The following ZDBF2 variants were observed in gnomAD, a reference collection of about 807,000 sequenced individuals.
ZDBF2 encodes the protein zinc finger DBF-type containing 2, also known as DBF4-type zinc finger-containing protein 2.
In ZDBF2, 6 loss-of-function variants were observed where a neutral mutation model predicts 9.4. That is an observed-to-expected ratio of 0.64 (90% CI 0.35 to 1.27). The LOEUF (loss-of-function observed/expected upper bound fraction) is 1.27. ZDBF2 is among the 50% of genes most tolerant of loss of function. The pLI, the probability that ZDBF2 is intolerant of heterozygous loss-of-function variation, is 0.03. For missense variants in ZDBF2, 2,697 were observed against 2,766.8 expected, an observed-to-expected ratio of 0.97 and a Z score of 0.57; for synonymous variants, 905 against 946.3, an observed-to-expected ratio of 0.96 and a Z score of 0.80.
At chr2:206,280,475 G>T (rs1019518965) in intron 2 of ZDBF2, among the ~76,000 whole-genome samples, 1 of 152,222 alleles carries the variant, frequency 6.6e-6, no homozygotes, top group East Asian at 1.9e-4. Flanking sequence ...TAAGCTCTAG[G>T]TTCTCTCAGC....
intron 3 of ZDBF2, among the ~76,000 whole-genome samples, chr2:206,291,676 G>A (rs191389693): frequency 2.0e-3 from 308 of 152,298 alleles, no homozygotes; most frequent in African/African-American, 6.6e-3. Context: ...TAGATTGATT[G>A]GTTTTCAGAT....
At position 206,308,712 on chromosome 2, in the gene ZDBF2, A is replaced by G. The variant is rs1318321637; in HGVS notation, c.4184A>G (p.His1395Arg). Reference protein sequence around the residue: ...VKEINLWKEDHIYLEDKSYKL... With the variant: ...VKEINLWKEDRIYLEDKSYKL... The stretch of plus-strand genomic sequence containing the variant: ...GAAATAAATCTTTGGAAGGAAGACC[A>G]TATTTACCTGGAAGATAAGAGCTAT... The change falls in exon 5 of 5, where the codon CAT becomes CGT. Residue 1395 changes from histidine to arginine, a missense_variant. Around this residue, in one of 3 missense-constraint regions of ZDBF2, gnomAD observed 1,783 missense variants for 1,776.5 expected, o/e 1.00. Transcript: ENST00000374423. 5.0e-6 allele frequency: 8 copies of G among 1,612,854 alleles called. 1 individual carries two copies. Among genetic ancestry groups the G allele is most frequent in the Non-Finnish European group, 6.8e-6 (8 of 1,179,784 alleles).
At position 206,308,965 on chromosome 2, in the gene ZDBF2, G is replaced by T. The variant is rs1488926403; in HGVS notation, c.4437G>T (p.Gln1479His). The T allele has an allele frequency of 5.6e-6, 9 of 1,613,536 alleles. No homozygotes were observed. Among genetic ancestry groups the T allele is most frequent in the Non-Finnish European group, 7.6e-6 (9 of 1,179,740 alleles). ...PQVSYKEADL[Q>H]KEEHVVMEEK... ...TGTCTTACAAAGAGGCAGACCTTCA[G>T]AAGGAAGAGCATGTTGTCATGGAAG... The change falls in exon 5 of 5, where the codon CAG (glutamine) becomes CAT (histidine). Residue 1479 changes from glutamine (Q) to histidine (H), a missense_variant. By Grantham distance (24) the Gln-to-His change is conservative. Around this residue, in one of 3 missense-constraint regions of ZDBF2, gnomAD observed 1,783 missense variants for 1,776.5 expected, o/e 1.00. Coordinates refer to ENST00000374423, the MANE Select transcript of ZDBF2 (RefSeq NM_020923.3).
At chr2:206,300,664 G>C (rs1220359429) in intron 4 of ZDBF2, among the ~76,000 whole-genome samples, 1 of 152,126 alleles carries the variant, frequency 6.6e-6, no homozygotes, top group Non-Finnish European at 1.5e-5. Context: ...AATAAGGATC[G>C]TATGGGGAAG....
intron 3 of ZDBF2, among the ~76,000 whole-genome samples, chr2:206,284,725 C>T (rs1348141269): frequency 2.0e-5 from 3 of 152,162 alleles, no homozygotes; most frequent in Non-Finnish European, 4.4e-5. Context: ...ATATATACCA[C>T]ATTTCCTTTT....
At chr2:206,292,309 A>G (rs1366570511) in intron 3 of ZDBF2, among the ~76,000 whole-genome samples, 1 of 152,184 alleles carries the variant, frequency 6.6e-6, no homozygotes, top group African/African-American at 2.4e-5. Context: ...ACCAAAATAG[A>G]CTATGAAAAG....
intron 2 of ZDBF2, among the ~76,000 whole-genome samples, chr2:206,280,920 GT>G (rs1691281764): frequency 6.6e-6 from 1 of 152,068 alleles, no homozygotes; most frequent in Non-Finnish European, 1.5e-5. Context: ...TTGTAATTCT[GT>G]TTTCGGCTTA....
Position 206,310,304 on chromosome 2 carries a change from C to T in ZDBF2, c.5776C>T (p.Pro1926Ser). ...PCHRHPPAER[P>S]PKQKGRVASQ... ...CCATCGTCATCCTCCAGCAGAGAGG[C>T]CTCCTAAGCAAAAGGGGCGTGTGGC... Residue 1926 changes from proline (P) to serine (S), a missense_variant, in exon 5 of 5, where the codon CCT becomes TCT. By Grantham distance (74) the Pro-to-Ser change is moderately conservative. This residue lies in a region of ZDBF2 where 1,783 missense variants were observed against 1,776.5 expected (regional missense o/e 1.00). Coordinates refer to ENST00000374423, the MANE Select transcript of ZDBF2 (RefSeq NM_020923.3). The T allele has an allele frequency of 6.2e-7, 1 of 1,613,884 alleles. No individual in the cohort carries two copies. The highest frequency in any genetic ancestry group is 8.5e-7 in the Non-Finnish European group (1 of 1,179,878).
chr2:206,303,661 T>C (rs1248082845), intron 4 of ZDBF2, among the ~76,000 whole-genome samples: 1 of 152,176 alleles, frequency 6.6e-6, no homozygotes, highest in Non-Finnish European at 1.5e-5. Context: ...ACAGTGCACG[T>C]TCAAAAGTAA....
chr2:206,297,965 G>GCTAC (rs1692286771), intron 4 of ZDBF2, among the ~76,000 whole-genome samples: 1 of 152,200 alleles, frequency 6.6e-6, no homozygotes, highest in Admixed American at 6.5e-5. Flanking sequence ...ACAGGCGTGA[G>GCTAC]CTACCACACC....
At chr2:206,303,388 T>C (rs567107386) in intron 4 of ZDBF2, among the ~76,000 whole-genome samples, 2 of 152,256 alleles carry the variant, frequency 1.3e-5, no homozygotes, top group African/African-American at 4.8e-5. Flanking sequence ...GTGCCTGTAA[T>C]GCAGTAGTAA....
In ZDBF2 at chr2:206,306,243, A is replaced by G. The variant is rs1692787940; in HGVS notation, c.1715A>G (p.Asp572Gly). 2 of 1,613,554 alleles carry G rather than the reference A, an allele frequency of 1.2e-6. No homozygotes were observed. Among genetic ancestry groups the G allele is most frequent in the Non-Finnish European group, 8.5e-7 (1 of 1,179,776 alleles). The change falls in exon 5 of 5, where the codon GAT (aspartate) becomes GGT (glycine). Residue 572 changes from aspartate to glycine, a missense_variant. This residue lies in a region of ZDBF2 where 910 missense variants were observed against 973.6 expected (regional missense o/e 0.93). Transcript: ENST00000374423. ...AAGAAGGCTCATACCAGCTTGGTTG[A>G]TAACTATGGATCGAGTTGTTCTGAA... ...LRKKAHTSLV[D>G]NYGSSCSETS...
chr2:206,290,625 T>C (rs895855947), intron 3 of ZDBF2, among the ~76,000 whole-genome samples: 2 of 152,336 alleles, frequency 1.3e-5, no homozygotes, highest in South Asian at 4.1e-4. Context: ...ATGGAATTGT[T>C]TTCTTAAGTT....
chr2:206,309,528 T>A lies in ZDBF2; in HGVS notation c.5000T>A (p.Phe1667Tyr), dbSNP rs1450280288. Residue 1667 changes from phenylalanine (F) to tyrosine (Y), a missense_variant, in exon 5 of 5, where the codon TTT (phenylalanine) becomes TAT (tyrosine). Transcript: ENST00000374423. ...GGATATAATGGTTCTAAAGGAAAAT[T>A]TAATTTGGAAGACACTTCTCATCGA... ...SCGYNGSKGK[F>Y]NLEDTSHRTT... 4 of 1,613,888 alleles carry A rather than the reference T, an allele frequency of 2.5e-6. No homozygotes were observed. Among genetic ancestry groups the A allele is most frequent in the East Asian group, 4.5e-5 (2 of 44,872 alleles).
At position 206,308,020 on chromosome 2, in the gene ZDBF2, T is replaced by A. The variant is rs376779622; in HGVS notation, c.3492T>A (p.Ser1164=). The A allele has an allele frequency of 2.3e-5, 37 of 1,613,800 alleles. No individual in the cohort carries two copies. Among genetic ancestry groups the A allele is most frequent in the Middle Eastern group, 1.6e-4 (1 of 6,082 alleles). ...GTTGTTCAGAAATGAATTTGGATTC[T>A]GGTTTCTTGGGTCAGTCAATAGTCA... The part of the protein sequence containing the change: ...QYSCSEMNLD[S]GFLGQSIVNR... Residue 1164 remains serine, a synonymous_variant, in exon 5 of 5, where the codon TCT becomes TCA. Transcript: ENST00000374423.
Position 206,311,432 on chromosome 2 carries a change from G to C in ZDBF2, c.6904G>C (p.Ala2302Pro), listed in dbSNP as rs1361044293. Residue 2302 changes from alanine (A) to proline (P), a missense_variant, in exon 5 of 5, where the codon GCA becomes CCA. Around this residue, in one of 3 missense-constraint regions of ZDBF2, gnomAD observed 1,783 missense variants for 1,776.5 expected, o/e 1.00. Transcript: ENST00000374423. The stretch of plus-strand genomic sequence containing the variant: ...ACCTGTGCGGGCTTCTTGCCGCGTT[G>C]CAAGAAGGAGGAAGAAGACTGATGA... ...KRPVRASCRV[A>P]RRRKKTDESY... 1 of 1,611,482 alleles carries C rather than the reference G, an allele frequency of 6.2e-7. No homozygotes were observed. Among genetic ancestry groups the C allele is most frequent in the Admixed American group, 1.7e-5 (1 of 59,442 alleles).
At position 206,312,422 on chromosome 2, in the gene ZDBF2, T is replaced by G. The variant is rs1222472334; in HGVS notation, c.*829T>G. 1.3e-5 allele frequency: 2 copies of G among 152,136 alleles called. No individual in the cohort carries two copies. Among genetic ancestry groups the G allele is most frequent in the African/African-American group, 4.8e-5 (2 of 41,422 alleles). 9.4% of individuals were successfully genotyped at this position (152,136 alleles called of 1,614,324 possible). ...TTTTATTTTTATGTTTATTTATTAT[T>G]ATTATTTTTTGAGACAGAGTCTCAC... On this transcript the variant is annotated 3_prime_UTR_variant, in exon 5 of 5. Coordinates refer to ENST00000374423, the MANE Select transcript of ZDBF2 (RefSeq NM_020923.3).
intron 1 of ZDBF2, 69 bp downstream of exon 1, chr2:206,275,015 C>T (rs1314523307): frequency 1.3e-5 from 2 of 150,060 alleles, no homozygotes; most frequent in African/African-American, 4.9e-5. Flanking sequence ...TCGCCGGGCG[C>T]CCGGGGCGCC....
intron 3 of ZDBF2, among the ~76,000 whole-genome samples, chr2:206,286,291 A>T (rs1209114203): frequency 1.3e-5 from 2 of 152,116 alleles, no homozygotes; most frequent in Admixed American, 1.3e-4. Context: ...CAATTCTGAG[A>T]GTGTGATAAT....
Sources: gnomAD v4.1 joint callset for allele counts (sites outside exome capture counted in the v4.1 genomes callset) on GRCh38, gnomAD v4.1.1 for gene constraint, gnomAD v4.1.1 regional missense constraint, MANE v1.5 for transcripts, NCBI Gene and HGNC (gene_info 2026-07-23, HGNC 2026-07-21) for gene names.